Variants in AGBL1 observed in about 807,000 individuals in gnomAD.
AGBL1 encodes cytosolic carboxypeptidase 4.
AGBL1 carries 130 observed loss-of-function variants against 118.9 expected under a neutral mutation model. That is an observed-to-expected ratio of 1.09 (90% CI 0.95 to 1.26). AGBL1 has a LOEUF of 1.26. Ranked by LOEUF, AGBL1 falls within the 50% of genes most tolerant of loss-of-function variation. The pLI is 0.00. For synonymous variants in AGBL1, 555 were observed against 478.9 expected, an observed-to-expected ratio of 1.16 and a Z score of -2.08; for missense variants, 1,584 against 1,298.1, an observed-to-expected ratio of 1.22 and a Z score of -3.38.
intron 18 of AGBL1, among the ~76,000 whole-genome samples, chr15:86,454,489 AG>A (rs1193558607): frequency 3.9e-5 from 6 of 152,204 alleles, no homozygotes; most frequent in Non-Finnish European, 8.8e-5. Context: ...CAAACTGAGA[AG>A]TCACCAAATA....
At chr15:86,276,544 A>G (rs895698652) in intron 15 of AGBL1, among the ~76,000 whole-genome samples, 5 of 152,186 alleles carry the variant, frequency 3.3e-5, no homozygotes, top group Admixed American at 6.5e-5. Context: ...AACAGCTGCT[A>G]TGTCCAGGCA....
rs200753722 is a variant in AGBL1 at position 86,402,016 on chromosome 15, TTGAGTC to T, written c.2555+4473_2555+4478del. On this transcript the variant is annotated intron_variant, in intron 18 of 22. Transcript: ENST00000614907. ...TGATGGTATTTTAATGGGAATTACA[TTGAGTC>T]TGTAGACTGCTTTTGGCAGCATGGT... is the stretch of plus-strand genomic sequence containing the variant. Among the ~76,000 whole-genome samples the T allele has an allele frequency of 5.7e-3, 864 of 152,206 alleles. 6 individuals carry two copies. The highest frequency in any genetic ancestry group is 0.018 in the African/African-American group (741 of 41,528).
In AGBL1 at chr15:86,907,864, C is replaced by T. The variant is rs2080302057; in HGVS notation, c.*570C>T. 1 of 152,158 alleles carries T rather than the reference C, an allele frequency of 6.6e-6. No homozygotes were observed. Among genetic ancestry groups the T allele is most frequent in the Admixed American group, 6.6e-5 (1 of 15,258 alleles). The allele number at this position is 152,158 out of a possible 1,614,324, so 9.4% of individuals were successfully genotyped here. A position where few individuals can be genotyped will look rare whatever the true frequency, so the allele number is the denominator to read the frequency against. ...AGTAATTGCAGGTTTCATCTGTGATCTTCTCAAGCAGCATATATTTTACAT... is the reference window on the plus strand; with the variant it reads ...AGTAATTGCAGGTTTCATCTGTGATTTTCTCAAGCAGCATATATTTTACAT... On this transcript the variant is annotated 3_prime_UTR_variant, in exon 23 of 23. Transcript: ENST00000614907.
chr15:86,775,270 A>G (rs1331296972), intron 22 of AGBL1, among the ~76,000 whole-genome samples: 1 of 152,162 alleles, frequency 6.6e-6, no homozygotes, highest in Non-Finnish European at 1.5e-5. Context: ...CAGGGTTGGG[A>G]GTAATAGATT....
chr15:86,421,947 A>G (rs1567249343), intron 18 of AGBL1, among the ~76,000 whole-genome samples: 1 of 152,240 alleles, frequency 6.6e-6, no homozygotes, highest in African/African-American at 2.4e-5. Context: ...CCAGATTCAT[A>G]AAGCATGTTC....
chr15:86,616,794 C>T (rs2084733534), intron 21 of AGBL1, among the ~76,000 whole-genome samples: 1 of 152,174 alleles, frequency 6.6e-6, no homozygotes, highest in African/African-American at 2.4e-5. Flanking sequence ...CAATTTCCTC[C>T]TCCTTTTGTA....
chr15:86,215,224 CGTGTGTGTGTGT>C (rs1555449552), intron 5 of AGBL1, among the ~76,000 whole-genome samples: 18 of 114,484 alleles, frequency 1.6e-4, no homozygotes, highest in African/African-American at 3.9e-4. Flanking sequence ...TATATGTATG[CGTGTGTGTGTGT>C]GTGTGTGTGT....
chr15:86,480,685 A>G (rs2082639531), intron 18 of AGBL1, among the ~76,000 whole-genome samples: 1 of 151,992 alleles, frequency 6.6e-6, no homozygotes, highest in Admixed American at 6.6e-5. Context: ...AGAATGTAAT[A>G]TATACTGTCA....
At chr15:86,172,783 C>T (rs544551466) in intron 5 of AGBL1, among the ~76,000 whole-genome samples, 1 of 152,324 alleles carries the variant, frequency 6.6e-6, no homozygotes, top group East Asian at 1.9e-4. Flanking sequence ...CATATCTTGG[C>T]TCTTGCGAAT....
intron 21 of AGBL1, among the ~76,000 whole-genome samples, chr15:86,586,345 G>A (rs994122439): frequency 3.3e-5 from 5 of 152,068 alleles, no homozygotes; most frequent in African/African-American, 4.8e-5. Flanking sequence ...ATAATAAATC[G>A]TAATATTTAT....
chr15:86,769,015 AC>A (rs2078134203), intron 22 of AGBL1, among the ~76,000 whole-genome samples: 1 of 151,942 alleles, frequency 6.6e-6, no homozygotes, highest in Non-Finnish European at 1.5e-5. Flanking sequence ...ACAGTTTATT[AC>A]TCATAACAAA....
intron 18 of AGBL1, among the ~76,000 whole-genome samples, chr15:86,483,967 C>G (rs1255985334): frequency 6.6e-6 from 1 of 152,052 alleles, no homozygotes; most frequent in Non-Finnish European, 1.5e-5. Flanking sequence ...ACAATATCCT[C>G]CCTGTTTTCC....
intron 21 of AGBL1, among the ~76,000 whole-genome samples, chr15:86,626,018 G>C (rs982345612): frequency 6.6e-6 from 1 of 152,128 alleles, no homozygotes; most frequent in East Asian, 1.9e-4. Context: ...TAACACAAAG[G>C]ATGAGCTAGC....
intron 5 of AGBL1, among the ~76,000 whole-genome samples, chr15:86,176,340 C>T (rs1164636851): frequency 6.6e-6 from 1 of 152,172 alleles, no homozygotes; most frequent in Non-Finnish European, 1.5e-5. Context: ...CCCAGGAAGG[C>T]TCCCAGACAG....
intron 22 of AGBL1, among the ~76,000 whole-genome samples, chr15:86,683,216 T>G (rs2142574909): frequency 6.6e-6 from 1 of 152,224 alleles, no homozygotes; most frequent in East Asian, 1.9e-4. Context: ...ACGTATGTAT[T>G]GGGTACATGT....
Position 86,907,476 on chromosome 15 carries a change from C to A in AGBL1, c.*182C>A, listed in dbSNP as rs2080296368. The A allele has an allele frequency of 6.6e-6, 1 of 152,184 alleles. No homozygotes were observed. Among genetic ancestry groups the A allele is most frequent in the Non-Finnish European group, 1.5e-5 (1 of 68,052 alleles). The allele number at this position is 152,184 out of a possible 1,614,324, so 9.4% of individuals were successfully genotyped here. A position where few individuals can be genotyped will look rare whatever the true frequency, so the allele number is the denominator to read the frequency against. On this transcript the variant is annotated 3_prime_UTR_variant, in exon 23 of 23. Transcript: ENST00000614907. ...TTTCCCTATGCGTAGAAGCTAGCCA[C>A]TTTATAACATTTTATATTAGAGTTA... is the stretch of plus-strand genomic sequence containing the variant.
At chr15:87,002,041 G>T (rs1050485937) in intron 24 of AGBL1, among the ~76,000 whole-genome samples, 1 of 152,036 alleles carries the variant, frequency 6.6e-6, no homozygotes, top group Non-Finnish European at 1.5e-5. Flanking sequence ...TTTTAGGCAT[G>T]AAGTCCTTGC....
At chr15:86,358,837 T>C (rs1217380681) in intron 17 of AGBL1, among the ~76,000 whole-genome samples, 2 of 152,106 alleles carry the variant, frequency 1.3e-5, no homozygotes, top group Non-Finnish European at 2.9e-5. Flanking sequence ...GAAATGTTTA[T>C]TCAGGTCCTT....
intron 4 of AGBL1, 139 bp downstream of exon 4, chr15:86,154,700 A>G (rs2077164895): frequency 8.9e-7 from 1 of 1,129,136 alleles, no homozygotes; most frequent in African/African-American, 1.6e-5. Context: ...AATAAAAGAG[A>G]CTGACAATCC....
Sources: allele counts gnomAD v4.1 joint callset (sites outside exome capture counted in the v4.1 genomes callset), GRCh38; gene constraint gnomAD v4.1.1; transcripts MANE v1.5; gene names NCBI Gene and HGNC (gene_info 2026-07-23, HGNC 2026-07-21).